TBC1D5: variants seen among roughly 807,000 people sequenced by gnomAD.
TBC1D5 encodes the protein TBC1 domain family, member 5.
A neutral mutation model predicts 100.3 loss-of-function variants in TBC1D5; 75 were observed. That is an observed-to-expected ratio of 0.75 (90% CI 0.62 to 0.91). The LOEUF is 0.91. TBC1D5 is among the 40% of genes least tolerant of loss of function. The probability of loss-of-function intolerance (pLI) is 0.00; values close to 1 mark genes in which losing one functional copy is unlikely to be tolerated. For synonymous variants in TBC1D5, 323 were observed against 325.6 expected, an observed-to-expected ratio of 0.99 and a Z score of 0.09; for missense variants, 910 against 942.4, an observed-to-expected ratio of 0.97 and a Z score of 0.45.
At chr3:17,310,499 C>CAG (rs148187366) in intron 13 of TBC1D5, among the ~76,000 whole-genome samples, 24 of 150,608 alleles carry the variant, frequency 1.6e-4, no homozygotes, top group East Asian at 1.4e-3. Flanking sequence ...AAGACAGAAA[C>CAG]AGAGAGAGAG....
At chr3:17,405,279 T>A (rs1330095020) in intron 5 of TBC1D5, among the ~76,000 whole-genome samples, 1 of 152,078 alleles carries the variant, frequency 6.6e-6, no homozygotes, top group African/African-American at 2.4e-5. Context: ...TTTTACATTC[T>A]AGTCTTAATG....
intron 13 of TBC1D5, among the ~76,000 whole-genome samples, chr3:17,364,492 C>T (rs919771276): frequency 1.3e-5 from 2 of 152,128 alleles, no homozygotes; most frequent in African/African-American, 4.8e-5. Flanking sequence ...TATGACTATA[C>T]AAGGCTATTC....
chr3:17,588,299 C>A (rs890868221), intron 2 of TBC1D5, among the ~76,000 whole-genome samples: 7 of 145,030 alleles, frequency 4.8e-5, no homozygotes, highest in African/African-American at 1.8e-4. Flanking sequence ...TTAGGAAACA[C>A]AAAAAAAATC....
At chr3:17,206,875 T>A (rs887516688) in intron 18 of TBC1D5, among the ~76,000 whole-genome samples, 2 of 152,224 alleles carry the variant, frequency 1.3e-5, no homozygotes, top group Admixed American at 1.3e-4. Context: ...TACTTCTAGT[T>A]GGCTGGTGTG....
At chr3:17,626,040 T>C (rs2063025289) in intron 1 of TBC1D5, among the ~76,000 whole-genome samples, 1 of 152,182 alleles carries the variant, frequency 6.6e-6, no homozygotes, top group Non-Finnish European at 1.5e-5. Context: ...TTTACCCAGA[T>C]ATATAGCATT....
chr3:17,245,151 C>G (rs982015335), intron 16 of TBC1D5, among the ~76,000 whole-genome samples: 4 of 152,068 alleles, frequency 2.6e-5, no homozygotes, highest in Admixed American at 2.0e-4. Context: ...TGTGATCACA[C>G]CAGTGCGTTC....
chr3:17,435,243 C>T (rs1042455749), intron 3 of TBC1D5, among the ~76,000 whole-genome samples: 1 of 152,134 alleles, frequency 6.6e-6, no homozygotes, highest in Non-Finnish European at 1.5e-5. Flanking sequence ...TGGCTATCAA[C>T]CAGTTCCAAA....
chr3:17,595,698 T>TAAGC (rs397751253), intron 2 of TBC1D5, among the ~76,000 whole-genome samples: 1 of 151,412 alleles, frequency 6.6e-6, no homozygotes, highest in African/African-American at 2.4e-5. Flanking sequence ...GAAAAGCAAG[T>TAAGC]GATAAAAGTC....
At chr3:17,264,581 T>C (rs2078662807) in intron 15 of TBC1D5, among the ~76,000 whole-genome samples, 1 of 152,050 alleles carries the variant, frequency 6.6e-6, no homozygotes, top group African/African-American at 2.4e-5. Flanking sequence ...AGGGTAAATA[T>C]ATTGGCACTC....
intron 1 of TBC1D5, among the ~76,000 whole-genome samples, chr3:17,710,178 G>A (rs1451125182): frequency 6.6e-6 from 1 of 152,134 alleles, no homozygotes; most frequent in Admixed American, 6.5e-5. Flanking sequence ...AGATAGCAAA[G>A]TCAGTCGAGA....
At position 17,639,466 on chromosome 3, in the gene TBC1D5, T is replaced by TAA. The variant is rs575558815; in HGVS notation, c.-100-15555_-100-15554dup. On this transcript the variant is annotated intron_variant, in intron 1 of 21. Coordinates refer to ENST00000253692, the Ensembl canonical transcript of TBC1D5. Reference sequence around the variant, plus strand: ...CATGGTGACAGCCACACAATTTGGTTAAAAAAAAAAAAAACTATGAATTGT... The same window carrying TAA: ...CATGGTGACAGCCACACAATTTGGTTAAAAAAAAAAAAAAAACTATGAATTGT... 5.7e-3 allele frequency among the ~76,000 whole-genome samples: 802 copies of TAA among 140,226 alleles called. 11 individuals carry two copies. Among genetic ancestry groups the TAA allele is most frequent in the African/African-American group, 0.02 (766 of 38,750 alleles). The allele number at this position is 140,226 out of a possible 152,430, so 92.0% of individuals were successfully genotyped here. A position where few individuals can be genotyped will look rare whatever the true frequency, so the allele number is the denominator to read the frequency against.
intron 1 of TBC1D5, among the ~76,000 whole-genome samples, chr3:17,704,386 T>C (rs1459192217): frequency 2.6e-5 from 4 of 151,952 alleles, no homozygotes; most frequent in African/African-American, 9.7e-5. Flanking sequence ...CGCCTTTCTA[T>C]TCCACAAAGC....
chr3:17,733,105 C>T (rs1007060924), intron 1 of TBC1D5, among the ~76,000 whole-genome samples: 1 of 152,102 alleles, frequency 6.6e-6, no homozygotes, highest in African/African-American at 2.4e-5. Context: ...AGTAAGAGGG[C>T]AGAATCAATG....
chr3:17,258,549 C>T, exon 16 of TBC1D5: 1 of 1,612,442 alleles, frequency 6.2e-7, no homozygotes, highest in Non-Finnish European at 8.5e-7. Context: ...TTGTAATAAT[C>T]TAAATTTGGA....
At chr3:17,521,850 C>A (rs543285345) in intron 2 of TBC1D5, among the ~76,000 whole-genome samples, 2 of 152,060 alleles carry the variant, frequency 1.3e-5, no homozygotes, top group African/African-American at 4.8e-5. Context: ...ATTTTTAAAA[C>A]ATTAAATAAT....
chr3:17,519,938 T>A (rs1207240780), intron 2 of TBC1D5, among the ~76,000 whole-genome samples: 2 of 152,216 alleles, frequency 1.3e-5, no homozygotes, highest in African/African-American at 4.8e-5. Flanking sequence ...GATCCTCATA[T>A]CAAATGCAAA....
At chr3:17,352,364 T>C (rs1392449220) in intron 13 of TBC1D5, among the ~76,000 whole-genome samples, 1 of 152,082 alleles carries the variant, frequency 6.6e-6, no homozygotes, top group Non-Finnish European at 1.5e-5. Flanking sequence ...AATGTTTTAC[T>C]TTAAAAGGCA....
At chr3:17,359,480 T>C (rs2091511552) in intron 13 of TBC1D5, among the ~76,000 whole-genome samples, 1 of 152,084 alleles carries the variant, frequency 6.6e-6, no homozygotes, top group Non-Finnish European at 1.5e-5. Context: ...AAAAATATCT[T>C]AGAATTGTCA....
intron 5 of TBC1D5, among the ~76,000 whole-genome samples, chr3:17,405,480 A>G (rs567096299): frequency 4.0e-4 from 61 of 152,204 alleles, no homozygotes; most frequent in Non-Finnish European, 8.1e-4. Context: ...TATGAAAATA[A>G]CAAACAATCT....
Sources: gnomAD v4.1 joint callset for allele counts (sites outside exome capture counted in the v4.1 genomes callset) on GRCh38, gnomAD v4.1.1 for gene constraint, MANE v1.5 for transcripts, NCBI Gene and HGNC (gene_info 2026-07-23, HGNC 2026-07-21) for gene names.